PBX3: variants seen among roughly 807,000 people sequenced by gnomAD.
PBX3 encodes pre-B-cell leukemia transcription factor 3.
PBX3 carries 14 observed loss-of-function variants against 48.5 expected under a neutral mutation model. That is an observed-to-expected ratio of 0.29 (90% CI 0.19 to 0.45). The LOEUF is 0.45. PBX3 is among the 20% of genes least tolerant of loss of function. PBX3 has a pLI of 1.00. For synonymous variants in PBX3, 210 were observed against 200.3 expected, an observed-to-expected ratio of 1.05 and a Z score of -0.41; for missense variants, 386 against 546.7, an observed-to-expected ratio of 0.71 and a Z score of 2.93.
chr9:125,906,059 T>G (rs1474054119), intron 2 of PBX3, among the ~76,000 whole-genome samples: 1 of 152,060 alleles, frequency 6.6e-6, no homozygotes, highest in African/African-American at 2.4e-5. Context: ...GAGAGATGCA[T>G]ACAGACGAAT....
chr9:125,825,158 C>T (rs1010047847), intron 2 of PBX3, among the ~76,000 whole-genome samples: 2 of 152,044 alleles, frequency 1.3e-5, no homozygotes, highest in African/African-American at 2.4e-5. Context: ...GTGGCATGCA[C>T]CTATTTTCCT....
intron 5 of PBX3, among the ~76,000 whole-genome samples, chr9:125,955,770 C>T (rs578109632): frequency 3.9e-5 from 6 of 152,208 alleles, no homozygotes; most frequent in African/African-American, 7.2e-5. Flanking sequence ...CTCCGCTCTA[C>T]GGTTCAGCAT....
At chr9:125,772,225 A>G (rs997886019) in intron 2 of PBX3, among the ~76,000 whole-genome samples, 2 of 151,450 alleles carry the variant, frequency 1.3e-5, no homozygotes, top group African/African-American at 2.4e-5. Flanking sequence ...GTGATTTTCA[A>G]CCTTGTTATA....
intron 5 of PBX3, among the ~76,000 whole-genome samples, chr9:125,946,245 A>AT (rs904740076): frequency 3.3e-5 from 5 of 151,706 alleles, no homozygotes; most frequent in East Asian, 1.9e-4. Context: ...CAAATACAAA[A>AT]TTTTTTTTTG....
chr9:125,887,351 A>G (rs1011987817), intron 2 of PBX3, among the ~76,000 whole-genome samples: 36 of 152,190 alleles, frequency 2.4e-4, no homozygotes, highest in Non-Finnish European at 1.3e-4. Flanking sequence ...TGTGCCCTGC[A>G]TTACCCTGTG....
intron 2 of PBX3, among the ~76,000 whole-genome samples, chr9:125,896,285 AAACT>A (rs1372843727): frequency 6.6e-6 from 1 of 152,018 alleles, no homozygotes; most frequent in Non-Finnish European, 1.5e-5. Flanking sequence ...AGAATAAAAA[AAACT>A]AAGACAAAAA....
At chr9:125,928,757 G>A (rs948389572) in intron 3 of PBX3, among the ~76,000 whole-genome samples, 5 of 152,116 alleles carry the variant, frequency 3.3e-5, no homozygotes, top group South Asian at 2.1e-4. Context: ...GAGCCACCGC[G>A]CCCGGCCTGA....
At position 125,784,896 on chromosome 9, in the gene PBX3, A is replaced by G. The variant is rs112934631; in HGVS notation, c.274+36273A>G. ...CAGTATTCTTGGGTCTTTGCTGAGC[A>G]TGTGTCCTGCCCTGAGCATACCCAT... On this transcript the variant is annotated intron_variant, in intron 2 of 8. Transcript: ENST00000373489. Among the ~76,000 whole-genome samples the G allele has an allele frequency of 3.9e-3, 588 of 152,286 alleles. 4 individuals carry two copies. The highest frequency in any genetic ancestry group is 0.013 in the African/African-American group (557 of 41,554).
intron 2 of PBX3, among the ~76,000 whole-genome samples, chr9:125,848,955 T>C (rs1839504324): frequency 6.6e-6 from 1 of 152,010 alleles, no homozygotes; most frequent in Non-Finnish European, 1.5e-5. Flanking sequence ...ACAGAAACAC[T>C]TATTGAACAC....
chr9:125,860,471 A>C (rs1395246131), intron 2 of PBX3, among the ~76,000 whole-genome samples: 1 of 152,190 alleles, frequency 6.6e-6, no homozygotes, highest in African/African-American at 2.4e-5. Flanking sequence ...TGCTGCAGTG[A>C]TTGTATTTGG....
intron 2 of PBX3, among the ~76,000 whole-genome samples, chr9:125,843,530 C>T (rs1404023422): frequency 1.3e-5 from 2 of 152,056 alleles, no homozygotes; most frequent in East Asian, 1.9e-4. Context: ...CCTCACTTTC[C>T]ACCGGCTGGA....
chr9:125,849,015 T>C lies in PBX3; in HGVS notation c.275-66671T>C, dbSNP rs370790968. On this transcript the variant is annotated intron_variant, in intron 2 of 8. Coordinates refer to ENST00000373489, the MANE Select transcript of PBX3 (RefSeq NM_006195.6). The stretch of plus-strand genomic sequence containing the variant: ...AAGAATTTTGATATACCTTTTCTTA[T>C]TTAACTCTCACAGTACTTTTAGGAA... Among the ~76,000 whole-genome samples, 44 of 152,130 alleles carry C rather than the reference T, an allele frequency of 2.9e-4. No homozygotes were observed. In the East Asian group the frequency reaches 6.2e-3, roughly 21 times the overall value.
chr9:125,852,688 A>G (rs1839615103), intron 2 of PBX3, among the ~76,000 whole-genome samples: 1 of 152,168 alleles, frequency 6.6e-6, no homozygotes, highest in Non-Finnish European at 1.5e-5. Context: ...GTCAAGTTAT[A>G]ACATTGTTTT....
intron 2 of PBX3, among the ~76,000 whole-genome samples, chr9:125,793,575 G>A (rs1837686602): frequency 6.6e-6 from 1 of 151,356 alleles, no homozygotes; most frequent in South Asian, 2.1e-4. Context: ...GATTACAGGT[G>A]CTGGCCACCA....
chr9:125,748,997 A>G (rs139125597), intron 2 of PBX3: 222 of 191,760 alleles, frequency 1.2e-3, no homozygotes, highest in Middle Eastern at 4.5e-3. Context: ...CCCCGGGAGA[A>G]GCATCGCCCG....
intron 2 of PBX3, among the ~76,000 whole-genome samples, chr9:125,788,211 G>A (rs891737283): frequency 6.6e-6 from 1 of 152,162 alleles, no homozygotes; most frequent in African/African-American, 2.4e-5. Context: ...TATTAAGTTA[G>A]GAAAATGAAA....
chr9:125,758,627 C>T (rs1836584410), intron 2 of PBX3, among the ~76,000 whole-genome samples: 1 of 152,030 alleles, frequency 6.6e-6, no homozygotes, highest in African/African-American at 2.4e-5. Context: ...AATTGATGGC[C>T]AAGCTGTAGA....
chr9:125,815,940 A>C (rs1489462456), intron 2 of PBX3, among the ~76,000 whole-genome samples: 3 of 151,888 alleles, frequency 2.0e-5, no homozygotes, highest in African/African-American at 7.3e-5. Context: ...ACAGAAATTT[A>C]TCAAAATCTG....
chr9:125,921,761 G>A (rs1346669385), intron 3 of PBX3, among the ~76,000 whole-genome samples: 2 of 152,094 alleles, frequency 1.3e-5, no homozygotes, highest in East Asian at 1.9e-4. Context: ...AAAATCTACC[G>A]TATTCGACTA....
Sources: gnomAD v4.1 joint callset for allele counts (sites outside exome capture counted in the v4.1 genomes callset) on GRCh38, gnomAD v4.1.1 for gene constraint, MANE v1.5 for transcripts, NCBI Gene and HGNC (gene_info 2026-07-23, HGNC 2026-07-21) for gene names.